LPP: variants seen among roughly 807,000 people sequenced by gnomAD.
LPP encodes lipoma-preferred partner.
Under a neutral mutation model 60.4 loss-of-function variants are expected in LPP, and 38 were observed. That is an observed-to-expected ratio of 0.63 (90% CI 0.49 to 0.83). The LOEUF (loss-of-function observed/expected upper bound fraction) is 0.83. Among genes scored for constraint, LPP ranks in the 40% least tolerant of loss-of-function variants. The probability of loss-of-function intolerance (pLI) is 0.00; values close to 1 mark genes in which losing one functional copy is unlikely to be tolerated. For synonymous variants in LPP, 328 were observed against 290.8 expected (o/e 1.13, Z -1.30); for missense variants, 902 against 783.6 (o/e 1.15, Z -1.80).
At chr3:188,563,648 C>A (rs114348094) in intron 6 of LPP, among the ~76,000 whole-genome samples, 215 of 150,936 alleles carry the variant, frequency 1.4e-3, no homozygotes, top group African/African-American at 5.1e-3. Flanking sequence ...TTATTACAAA[C>A]AATGTTAAGA....
intron 6 of LPP, among the ~76,000 whole-genome samples, chr3:188,601,027 T>C (rs972356158): frequency 6.6e-6 from 1 of 152,146 alleles, no homozygotes; most frequent in Non-Finnish European, 1.5e-5. Flanking sequence ...CTTGAATTGC[T>C]TCTTCCTTTG....
At chr3:188,343,747 G>A (rs1317731401) in intron 3 of LPP, among the ~76,000 whole-genome samples, 2 of 152,130 alleles carry the variant, frequency 1.3e-5, no homozygotes, top group South Asian at 2.1e-4. Flanking sequence ...ATGGTAGAGA[G>A]GGAATGATAG....
intron 5 of LPP, among the ~76,000 whole-genome samples, chr3:188,522,833 A>C (rs1041270354): frequency 7.6e-6 from 1 of 132,312 alleles, no homozygotes; most frequent in East Asian, 2.6e-4. Flanking sequence ...GTGTGTGTGT[A>C]TGTGTGTGTA....
At chr3:188,495,607 G>A (rs1054005997) in intron 5 of LPP, among the ~76,000 whole-genome samples, 6 of 152,208 alleles carry the variant, frequency 3.9e-5, no homozygotes, top group Admixed American at 6.5e-5. Context: ...ATGAACCTCC[G>A]AGGTAGTTTT....
chr3:188,671,808 A>G (rs942786894), intron 7 of LPP, among the ~76,000 whole-genome samples: 6 of 151,982 alleles, frequency 3.9e-5, no homozygotes, highest in African/African-American at 1.5e-4. Context: ...GGTGCAGGAG[A>G]CTCTAGGCCC....
intron 2 of LPP, among the ~76,000 whole-genome samples, chr3:188,336,483 G>C (rs986174937): frequency 6.6e-6 from 1 of 152,156 alleles, no homozygotes; most frequent in Non-Finnish European, 1.5e-5. Flanking sequence ...GAGCCAGTAG[G>C]GTTCAGTGGC....
chr3:188,832,058 G>A (rs1757270961), intron 9 of LPP, among the ~76,000 whole-genome samples: 1 of 152,198 alleles, frequency 6.6e-6, no homozygotes, highest in Non-Finnish European at 1.5e-5. Flanking sequence ...GCTCTAGGGT[G>A]ACTTCCAATG....
intron 6 of LPP, among the ~76,000 whole-genome samples, chr3:188,570,714 C>T (rs771004695): frequency 1.3e-5 from 2 of 151,868 alleles, no homozygotes; most frequent in Non-Finnish European, 2.9e-5. Flanking sequence ...TTGCCTGCCT[C>T]ATTCTCCTGT....
intron 1 of LPP, among the ~76,000 whole-genome samples, chr3:188,221,403 T>C (rs1366809706): frequency 6.6e-6 from 1 of 152,190 alleles, no homozygotes; most frequent in African/African-American, 2.4e-5. Context: ...TCGACACCCC[T>C]AGGCATGTCC....
intron 2 of LPP, among the ~76,000 whole-genome samples, chr3:188,334,426 T>TC (rs988582689): frequency 1.4e-5 from 2 of 145,100 alleles, no homozygotes; most frequent in African/African-American, 5.1e-5. Context: ...TTCTTTCTTT[T>TC]TTTTTTTTTT....
At chr3:188,391,991 G>A (rs545852077) in intron 3 of LPP, among the ~76,000 whole-genome samples, 4 of 152,122 alleles carry the variant, frequency 2.6e-5, no homozygotes, top group Non-Finnish European at 4.4e-5. Context: ...AATTTCTTTT[G>A]CAATCAAACC....
At chr3:188,322,798 T>C (rs546501727) in intron 2 of LPP, among the ~76,000 whole-genome samples, 2 of 152,346 alleles carry the variant, frequency 1.3e-5, no homozygotes, top group East Asian at 3.9e-4. Flanking sequence ...TTTCTTCACC[T>C]GTTTGACATA....
At position 188,665,165 on chromosome 3, in the gene LPP, T is replaced by C. The variant is rs148109542; in HGVS notation, c.1114-43102T>C. On this transcript the variant is annotated intron_variant, in intron 7 of 11. Coordinates refer to ENST00000617246, the MANE Select transcript of LPP (RefSeq NM_001375462.1). The stretch of plus-strand genomic sequence containing the variant: ...AATTCAAATTTTGCTGTTAGACTTA[T>C]CATTATAATGAAATTGAATGTTGGT... 3.8e-3 allele frequency among the ~76,000 whole-genome samples: 577 copies of C among 152,336 alleles called. 5 individuals carry two copies. Among genetic ancestry groups the C allele is most frequent in the African/African-American group, 0.013 (556 of 41,576 alleles).
At chr3:188,783,559 TG>T (rs1188568968) in intron 9 of LPP, among the ~76,000 whole-genome samples, 1 of 89,372 alleles carries the variant, frequency 1.1e-5, no homozygotes, top group Non-Finnish European at 2.2e-5. Flanking sequence ...TACTTGAGGG[TG>T]GAGGGGGAGA....
intron 7 of LPP, among the ~76,000 whole-genome samples, chr3:188,670,307 G>T (rs1856716065): frequency 6.6e-6 from 1 of 152,116 alleles, no homozygotes; most frequent in Non-Finnish European, 1.5e-5. Flanking sequence ...CACTATTAAA[G>T]TTAGAAGACA....
intron 2 of LPP, among the ~76,000 whole-genome samples, chr3:188,325,347 G>A (rs1758126704): frequency 6.6e-6 from 1 of 152,030 alleles, no homozygotes; most frequent in Non-Finnish European, 1.5e-5. Context: ...CCTTCCTTTA[G>A]CCCTCTGTAT....
chr3:188,323,916 G>A (rs770231113), intron 2 of LPP, among the ~76,000 whole-genome samples: 13 of 152,186 alleles, frequency 8.5e-5, no homozygotes, highest in Admixed American at 5.2e-4. Flanking sequence ...GCTATATAAC[G>A]TCTCTGAGCA....
At chr3:188,240,327 G>C (rs2149445543) in intron 2 of LPP, among the ~76,000 whole-genome samples, 1 of 151,730 alleles carries the variant, frequency 6.6e-6, no homozygotes, top group South Asian at 2.1e-4. Context: ...ATAAGAGTCA[G>C]GAGTTTTGGG....
intron 5 of LPP, 74 bp from the exon 6 acceptor site, chr3:188,524,591 A>C: frequency 2.0e-6 from 3 of 1,485,018 alleles, no homozygotes; most frequent in African/African-American, 1.4e-5. Context: ...CCACATTATA[A>C]CTTGAGAAAT....
Sources: gnomAD v4.1 joint callset for allele counts (sites outside exome capture counted in the v4.1 genomes callset) on GRCh38, gnomAD v4.1.1 for gene constraint, MANE v1.5 for transcripts, NCBI Gene and HGNC (gene_info 2026-07-23, HGNC 2026-07-21) for gene names.